CCDC171: variants seen among roughly 807,000 people sequenced by gnomAD.
CCDC171 encodes the protein coiled-coil domain containing 171.
A neutral mutation model predicts 168.2 loss-of-function variants in CCDC171; 177 were observed. The observed-to-expected ratio is 1.05, with a 90% CI of 0.93 to 1.19. CCDC171 has a LOEUF of 1.19. Ranked by LOEUF, CCDC171 falls within the 50% of genes most tolerant of loss-of-function variation. The pLI is 0.00. For missense variants in CCDC171, 1,991 were observed against 1,539.0 expected, an observed-to-expected ratio of 1.29 and a Z score of -4.91; for synonymous variants, 687 against 540.8, an observed-to-expected ratio of 1.27 and a Z score of -3.75.
At chr9:15,886,521 T>G (rs1819417870) in intron 24 of CCDC171, 1 of 152,108 alleles carries the variant, frequency 6.6e-6, no homozygotes, top group Non-Finnish European at 1.5e-5. Flanking sequence ...TTGGTGGAAA[T>G]GTAAATTGGT....
intron 18 of CCDC171, among the ~76,000 whole-genome samples, chr9:15,765,325 A>C (rs1220990361): frequency 6.6e-6 from 1 of 152,112 alleles, no homozygotes; most frequent in African/African-American, 2.4e-5. Context: ...GGGTAATTCA[A>C]TGTGTTTGTG....
At chr9:15,888,809 C>G (rs140276144) in intron 24 of CCDC171, among the ~76,000 whole-genome samples, 17 of 152,166 alleles carry the variant, frequency 1.1e-4, no homozygotes, top group African/African-American at 2.9e-4. Flanking sequence ...AAACTGGTAA[C>G]TTGAAGGCAA....
chr9:15,820,937 A>G (rs1408875797), intron 21 of CCDC171, among the ~76,000 whole-genome samples: 2 of 117,522 alleles, frequency 1.7e-5, no homozygotes, highest in South Asian at 2.8e-4. Context: ...AAAATCCTCA[A>G]TAAAATACTG....
intron 1 of CCDC171, among the ~76,000 whole-genome samples, chr9:15,560,226 G>C (rs574394517): frequency 5.3e-5 from 8 of 152,070 alleles, no homozygotes; most frequent in Admixed American, 1.3e-4. Context: ...TCTTCTTGTG[G>C]AGTATCTTTG....
intron 21 of CCDC171, among the ~76,000 whole-genome samples, chr9:15,805,046 G>C (rs892339871): frequency 6.6e-6 from 1 of 152,154 alleles, no homozygotes; most frequent in Non-Finnish European, 1.5e-5. Flanking sequence ...GTACAGAGAG[G>C]AGTTTCTAAT....
chr9:15,686,839 T>C (rs982239086), intron 10 of CCDC171, among the ~76,000 whole-genome samples: 5 of 152,174 alleles, frequency 3.3e-5, no homozygotes, highest in African/African-American at 1.2e-4. Context: ...CTTGCAGTAA[T>C]GGGTAGAACA....
At chr9:15,731,439 T>C (rs2134356344) in intron 16 of CCDC171, among the ~76,000 whole-genome samples, 1 of 152,292 alleles carries the variant, frequency 6.6e-6, no homozygotes, top group South Asian at 2.1e-4. Flanking sequence ...TTGAATTTCA[T>C]GTAAGTGGAA....
chr9:16,001,285 A>G (rs1190309550), intron 3 of CCDC171, among the ~76,000 whole-genome samples: 1 of 152,114 alleles, frequency 6.6e-6, no homozygotes, highest in South Asian at 2.1e-4. Context: ...ACTTGCATTC[A>G]TTAAATGCAG....
At chr9:15,664,993 T>G (rs945530644) in intron 8 of CCDC171, among the ~76,000 whole-genome samples, 7 of 152,162 alleles carry the variant, frequency 4.6e-5, no homozygotes, top group Non-Finnish European at 1.0e-4. Context: ...ATGTAGAATT[T>G]CAAGTATATG....
At chr9:15,832,585 G>A (rs1385354497) in intron 21 of CCDC171, among the ~76,000 whole-genome samples, 5 of 152,106 alleles carry the variant, frequency 3.3e-5, no homozygotes, top group Admixed American at 2.0e-4. Flanking sequence ...TAGAAATATG[G>A]TATAGAAGAT....
rs1320724036 is a variant in CCDC171, at chr9:15,972,029, TTTTA to T, written c.*197_*200del. 1.9e-6 allele frequency: 1 copy of T among 526,292 alleles called. No homozygotes were observed. Among genetic ancestry groups the T allele is most frequent in the African/African-American group, 1.9e-5 (1 of 52,034 alleles). The allele number at this position is 526,292 out of a possible 1,614,324, so 32.6% of individuals were successfully genotyped here. ...AATAGCCAACTTTTTTCTCTCCAAG[TTTTA>T]TTTGTTATCACAGTTGCTCATTTTT... On this transcript the variant is annotated 3_prime_UTR_variant, in exon 26 of 26. Transcript: ENST00000380701.
At chr9:16,100,816 C>A in the CCDC171 span, among the ~76,000 whole-genome samples, 11 of 152,216 alleles carry the variant, frequency 7.2e-5, no homozygotes, top group African/African-American at 1.9e-4. Flanking sequence ...CCCCGCCCCC[C>A]ACCAAGGGCA....
At chr9:15,922,040 G>A (rs1236189034) in intron 25 of CCDC171, 2 of 191,686 alleles carry the variant, frequency 1.0e-5, no homozygotes, top group Non-Finnish European at 2.4e-5. Flanking sequence ...ATGAAAGTGT[G>A]TTTAATATAC....
chr9:15,706,903 G>T (rs771301510), intron 11 of CCDC171, among the ~76,000 whole-genome samples: 99 of 152,214 alleles, frequency 6.5e-4, no homozygotes, highest in Non-Finnish European at 1.2e-3. Flanking sequence ...TGTCACCCAG[G>T]AATTGGGCAG....
intron 21 of CCDC171, among the ~76,000 whole-genome samples, chr9:15,807,184 T>G (rs896980330): frequency 3.3e-5 from 5 of 152,252 alleles, no homozygotes; most frequent in Non-Finnish European, 7.3e-5. Context: ...ATGATCTTTG[T>G]TCCTATCCAT....
At chr9:15,809,535 C>T (rs567078167) in intron 21 of CCDC171, among the ~76,000 whole-genome samples, 4 of 152,116 alleles carry the variant, frequency 2.6e-5, no homozygotes, top group South Asian at 2.1e-4. Flanking sequence ...CTGGTGGGTT[C>T]GTGGTCTCGC....
At chr9:15,935,937 C>T (rs1463162200) in intron 25 of CCDC171, among the ~76,000 whole-genome samples, 1 of 152,022 alleles carries the variant, frequency 6.6e-6, no homozygotes, top group African/African-American at 2.4e-5. Flanking sequence ...TTACAATGGC[C>T]TCTGGGGTTG....
At chr9:15,996,546 C>T (rs546736065) in intron 3 of CCDC171, among the ~76,000 whole-genome samples, 12 of 149,926 alleles carry the variant, frequency 8.0e-5, no homozygotes, top group African/African-American at 2.7e-4. Flanking sequence ...GGCATCATGT[C>T]GGCACTCAAA....
intron 18 of CCDC171, among the ~76,000 whole-genome samples, chr9:15,765,860 G>T (rs373430763): frequency 6.6e-6 from 1 of 152,090 alleles, no homozygotes; most frequent in Non-Finnish European, 1.5e-5. Flanking sequence ...TTCTCCATAG[G>T]TCTTGTGTTT....
Sources: gnomAD v4.1 joint callset for allele counts (sites outside exome capture counted in the v4.1 genomes callset) on GRCh38, gnomAD v4.1.1 for gene constraint, MANE v1.5 for transcripts, NCBI Gene and HGNC (gene_info 2026-07-23, HGNC 2026-07-21) for gene names.